ACSM3: variants seen among roughly 807,000 people sequenced by gnomAD.
ACSM3 encodes the protein acyl-CoA synthetase medium chain family member 3.
In ACSM3, 61 loss-of-function variants were observed where a neutral mutation model predicts 74.1. The observed-to-expected ratio is 0.82, with a 90% CI of 0.67 to 1.02. ACSM3 has a LOEUF of 1.02. Among genes scored for constraint, ACSM3 ranks in the 50% least tolerant of loss-of-function variants. ACSM3 has a pLI of 0.00. For synonymous variants in ACSM3, 213 were observed against 241.5 expected, an observed-to-expected ratio of 0.88 and a Z score of 1.09; for missense variants, 660 against 697.0, an observed-to-expected ratio of 0.95 and a Z score of 0.60.
At chr16:20,741,246 C>A (rs1567332555) in intron 1 of ACSM3, among the ~76,000 whole-genome samples, 1 of 152,078 alleles carries the variant, frequency 6.6e-6, no homozygotes, top group Non-Finnish European at 1.5e-5. Context: ...CCCTGTCTCA[C>A]AAAAATAAAA....
intron 1 of ACSM3, among the ~76,000 whole-genome samples, chr16:20,695,178 T>C (rs1365030315): frequency 6.6e-6 from 1 of 152,192 alleles, no homozygotes; most frequent in East Asian, 1.9e-4. Context: ...CTGTGGTAGC[T>C]GAAACAGCAT....
chr16:20,720,220 A>C (rs2079780607), intron 1 of ACSM3, among the ~76,000 whole-genome samples: 1 of 152,152 alleles, frequency 6.6e-6, no homozygotes. Flanking sequence ...ATTACTATTA[A>C]ATTGTAATGT....
intron 1 of ACSM3, among the ~76,000 whole-genome samples, chr16:20,724,849 G>A (rs2079799049): frequency 6.6e-6 from 1 of 152,146 alleles, no homozygotes; most frequent in Non-Finnish European, 1.5e-5. Context: ...TCTTCAAGGA[G>A]AACTACAAAC....
At chr16:20,714,616 T>A (rs1031310853) in intron 1 of ACSM3, among the ~76,000 whole-genome samples, 3 of 151,930 alleles carry the variant, frequency 2.0e-5, no homozygotes, top group African/African-American at 7.3e-5. Context: ...ATATTGGATG[T>A]GGAAGATGAA....
chr16:20,770,135 C>A lies in ACSM3; in HGVS notation c.101C>A (p.Thr34Lys), dbSNP rs773097266. Residue 34 changes from threonine (T) to lysine (K), a missense_variant, in exon 2 of 14, where the codon ACA becomes AAA. Transcript: ENST00000289416. ...SVRALHKDNRTATPQNFSNYE... is the reference protein window; with the variant it reads ...SVRALHKDNRKATPQNFSNYE... ...AGGGCACTGCATAAAGATAATAGAA[C>A]AGCAACCCCTCAGAATTTCTCCAAC... The A allele has an allele frequency of 6.2e-7, 1 of 1,614,134 alleles. No individual in the cohort carries two copies. The highest frequency in any genetic ancestry group is 8.5e-7 in the Non-Finnish European group (1 of 1,180,020).
intron 1 of ACSM3, among the ~76,000 whole-genome samples, chr16:20,714,975 C>T (rs182223510): frequency 6.7e-6 from 1 of 148,798 alleles, no homozygotes; most frequent in East Asian, 2.0e-4. Flanking sequence ...TTTAGATAGA[C>T]AGACAGATGG....
intron 1 of ACSM3, chr16:20,721,273 T>C (rs1272731881): frequency 6.6e-6 from 1 of 152,286 alleles, no homozygotes; most frequent in African/African-American, 2.4e-5. Context: ...ATGAATAGTA[T>C]AGCTTTAAAA....
At chr16:20,738,248 G>A (rs147690825) in intron 1 of ACSM3, 56 of 479,554 alleles carry the variant, frequency 1.2e-4, no homozygotes, top group African/African-American at 5.8e-4. Context: ...TTATCCAACC[G>A]TAACACCATG....
rs377371866 is a variant in ACSM3 at position 20,737,239 on chromosome 16, G to C, written c.-189-12671G>C. The C allele has an allele frequency of 1.1e-5, 18 of 1,613,940 alleles. No individual in the cohort carries two copies. In the South Asian group the frequency reaches 1.5e-4, roughly 14 times the overall value. On this transcript the variant is annotated intron_variant, in intron 1 of 3. Coordinates refer to the ACSM3 transcript ENST00000561584. ...ATTTCTACTACCACTGTGTACTGTGGATTGGTGAGATCCACTTTATTTTCT... is the reference window on the plus strand; with the variant it reads ...ATTTCTACTACCACTGTGTACTGTGCATTGGTGAGATCCACTTTATTTTCT...
rs540025830 is a variant in ACSM3, at chr16:20,758,731, A to G, written c.-52+3115A>G. Among the ~76,000 whole-genome samples, 692 of 150,408 alleles carry G rather than the reference A, an allele frequency of 4.6e-3. 6 individuals are homozygous for G. Among genetic ancestry groups the G allele is most frequent in the African/African-American group, 0.016 (660 of 41,104 alleles). On this transcript the variant is annotated intron_variant, in intron 3 of 3. Coordinates refer to the ACSM3 transcript ENST00000561584. ...TTTTAATTGTGATGTTAGGGTGTCA[A>G]TTTTGGATCTTTCCTGCTTTCTCTT...
At chr16:20,700,041 C>T (rs2079708941) in intron 1 of ACSM3, among the ~76,000 whole-genome samples, 1 of 152,142 alleles carries the variant, frequency 6.6e-6, no homozygotes, top group African/African-American at 2.4e-5. Context: ...TTTCTGTACT[C>T]TCTTCCCCTG....
At chr16:20,741,480 G>GGGGGGGGGGGGC in intron 1 of ACSM3, 9 of 1,340,408 alleles carry the variant, frequency 6.7e-6, no homozygotes, top group Non-Finnish European at 7.8e-6. Flanking sequence ...CCTGGCAGCC[G>GGGGGGGGGGGGC]GCCCGCCCGC....
At position 20,729,248 on chromosome 16, in the gene ACSM3, G is replaced by C. The variant is rs1044785149; in HGVS notation, c.-189-20662G>C. The C allele has an allele frequency of 2.8e-6, 3 of 1,057,702 alleles. No individual in the cohort carries two copies. The East Asian group carries it at 7.2e-5, about 25-fold the overall frequency. The allele number at this position is 1,057,702 out of a possible 1,614,324, so 65.5% of individuals were successfully genotyped here. On this transcript the variant is annotated intron_variant, in intron 1 of 3. Transcript: ENST00000561584. ...TTCCTAGGACAGTCCAGAGAAAACT[G>C]CTGCCACGGTAAGGGGAGATTTTTA...
At chr16:20,718,347 C>T in intron 1 of ACSM3, 3 of 904,848 alleles carry the variant, frequency 3.3e-6, no homozygotes, top group Admixed American at 3.4e-5. Context: ...CCATATTTTG[C>T]AGATCCGCCT....
intron 1 of ACSM3, among the ~76,000 whole-genome samples, chr16:20,711,858 T>C (rs1343593638): frequency 1.3e-5 from 2 of 152,192 alleles, no homozygotes; most frequent in African/African-American, 4.8e-5. Context: ...TAGTTCTGCC[T>C]CCATCCTCCT....
intron 1 of ACSM3, among the ~76,000 whole-genome samples, chr16:20,696,035 A>T (rs2079688046): frequency 6.6e-6 from 1 of 152,226 alleles, no homozygotes; most frequent in Non-Finnish European, 1.5e-5. Context: ...TCAATACACA[A>T]GTACTTACCA....
intron 1 of ACSM3, among the ~76,000 whole-genome samples, chr16:20,743,064 G>A (rs986845088): frequency 1.2e-4 from 18 of 149,808 alleles, no homozygotes; most frequent in African/African-American, 4.4e-4. Flanking sequence ...CCTCCCTCCC[G>A]AGTAGCTGGG....
intron 1 of ACSM3, among the ~76,000 whole-genome samples, chr16:20,697,149 T>G (rs2079694018): frequency 6.6e-6 from 1 of 152,192 alleles, no homozygotes; most frequent in South Asian, 2.1e-4. Flanking sequence ...CATAGCTCAC[T>G]GCAGCCTCAA....
chr16:20,705,901 T>A (rs979352516), intron 1 of ACSM3, among the ~76,000 whole-genome samples: 1 of 152,158 alleles, frequency 6.6e-6, no homozygotes, highest in Non-Finnish European at 1.5e-5. Flanking sequence ...GAAATGATTT[T>A]AAAATTGAGA....
Sources: allele counts gnomAD v4.1 joint callset (sites outside exome capture counted in the v4.1 genomes callset), GRCh38; gene constraint gnomAD v4.1.1; transcripts MANE v1.5; gene names NCBI Gene and HGNC (gene_info 2026-07-23, HGNC 2026-07-21).